Variants in GAS7 observed in about 807,000 individuals in gnomAD.
GAS7 encodes the protein growth arrest-specific protein 7.
In GAS7, 28 loss-of-function variants were observed where a neutral mutation model predicts 71.1. That is an observed-to-expected ratio of 0.39 (90% CI 0.29 to 0.54). GAS7 has a LOEUF of 0.54. GAS7 is among the 20% of genes least tolerant of loss of function. The pLI is 0.62. For synonymous variants in GAS7, 258 were observed against 245.8 expected, an observed-to-expected ratio of 1.05 and a Z score of -0.46; for missense variants, 436 against 627.8, an observed-to-expected ratio of 0.69 and a Z score of 3.27.
chr17:10,141,079 G>A (rs908498136), intron 1 of GAS7, among the ~76,000 whole-genome samples: 2 of 152,194 alleles, frequency 1.3e-5, no homozygotes, highest in Non-Finnish European at 1.5e-5. Flanking sequence ...GTGGCTCCAG[G>A]GCCCTGGCCC....
At chr17:10,068,176 G>A (rs575760923) in intron 1 of GAS7, among the ~76,000 whole-genome samples, 1 of 152,264 alleles carries the variant, frequency 6.6e-6, no homozygotes, top group African/African-American at 2.4e-5. Flanking sequence ...ACCCCAAAGA[G>A]GGACAGGCAC....
intron 2 of GAS7, among the ~76,000 whole-genome samples, chr17:9,982,902 C>T (rs996943862): frequency 6.6e-6 from 1 of 151,882 alleles, no homozygotes; most frequent in Non-Finnish European, 1.5e-5. Context: ...AAAACTAATA[C>T]TGCAAGCTAT....
chr17:10,106,498 C>T (rs944419249), intron 1 of GAS7, among the ~76,000 whole-genome samples: 2 of 152,226 alleles, frequency 1.3e-5, no homozygotes, highest in East Asian at 1.9e-4. Context: ...TCCAGGCTCA[C>T]GGAAGCAGGA....
chr17:10,197,605 G>A (rs1372989942), intron 1 of GAS7, among the ~76,000 whole-genome samples: 3 of 152,230 alleles, frequency 2.0e-5, no homozygotes, highest in African/African-American at 7.2e-5. Context: ...TCGGGGAGCT[G>A]GACCAGGGGA....
At chr17:10,009,269 C>G (rs1373632813) in intron 2 of GAS7, among the ~76,000 whole-genome samples, 1 of 145,432 alleles carries the variant, frequency 6.9e-6, no homozygotes, top group Non-Finnish European at 1.5e-5. Context: ...TGCAGTGAGC[C>G]GAGATCCCGC....
At chr17:10,130,324 T>C (rs2073986645) in intron 1 of GAS7, among the ~76,000 whole-genome samples, 2 of 134,536 alleles carry the variant, frequency 1.5e-5, no homozygotes, top group Non-Finnish European at 3.1e-5. Flanking sequence ...AGAACAGCTA[T>C]GATTTAAAAA....
intron 1 of GAS7, among the ~76,000 whole-genome samples, chr17:10,164,158 A>G (rs2074275682): frequency 1.3e-5 from 2 of 152,130 alleles, no homozygotes; most frequent in African/African-American, 2.4e-5. Flanking sequence ...GAATATGGCC[A>G]TGGACTGGGC....
chr17:10,028,725 G>A (rs1051794000), intron 1 of GAS7, among the ~76,000 whole-genome samples: 1 of 151,848 alleles, frequency 6.6e-6, no homozygotes, highest in Non-Finnish European at 1.5e-5. Flanking sequence ...AACAGGAAAT[G>A]ATAAAAATTA....
At chr17:10,016,602 C>CAAAAAAAAAAAAAAA (rs1158379710) in intron 2 of GAS7, among the ~76,000 whole-genome samples, 78 of 84,556 alleles carry the variant, frequency 9.2e-4, no homozygotes, top group Non-Finnish European at 1.5e-3. Context: ...CTGTCTCTAC[C>CAAAAAAAAAAAAAAA]AAAAAAAAAA....
chr17:10,075,136 T>C (rs996301746), intron 1 of GAS7, among the ~76,000 whole-genome samples: 2 of 151,950 alleles, frequency 1.3e-5, no homozygotes, highest in Non-Finnish European at 2.9e-5. Flanking sequence ...GGTGGGCAAA[T>C]CACGAGGTCA....
At chr17:10,062,670 A>AACTTT (rs1324611703) in intron 1 of GAS7, among the ~76,000 whole-genome samples, 1 of 152,220 alleles carries the variant, frequency 6.6e-6, no homozygotes, top group Admixed American at 6.5e-5. Flanking sequence ...TGATGTGAAT[A>AACTTT]ACTTTAAATA....
At chr17:10,129,597 G>A (rs193191381) in intron 1 of GAS7, among the ~76,000 whole-genome samples, 8 of 152,250 alleles carry the variant, frequency 5.3e-5, no homozygotes, top group Admixed American at 3.3e-4. Context: ...CTTAGACTAG[G>A]TGATGCCTTC....
At chr17:10,164,325 C>T (rs1230798581) in intron 1 of GAS7, among the ~76,000 whole-genome samples, 2 of 151,630 alleles carry the variant, frequency 1.3e-5, no homozygotes, top group Non-Finnish European at 2.9e-5. Context: ...GCTTGTAGTC[C>T]CAGCTACTCA....
At chr17:10,165,138 A>C (rs2074283971) in intron 1 of GAS7, among the ~76,000 whole-genome samples, 1 of 151,360 alleles carries the variant, frequency 6.6e-6, no homozygotes. Flanking sequence ...ACAAAAAAAA[A>C]AAAAATAGCT....
chr17:9,997,252 G>A (rs973818378), intron 2 of GAS7, among the ~76,000 whole-genome samples: 19 of 149,852 alleles, frequency 1.3e-4, no homozygotes, highest in African/African-American at 4.5e-4. Flanking sequence ...GCGGGTGGGG[G>A]CGGGGGCGGT....
chr17:10,178,298 C>T (rs946951844), intron 1 of GAS7, among the ~76,000 whole-genome samples: 15 of 150,570 alleles, frequency 1.0e-4, no homozygotes, highest in African/African-American at 3.4e-4. Context: ...CTGTGGTGCC[C>T]GTGGAATGCT....
chr17:9,963,647 C>T (rs978870687), intron 4 of GAS7, among the ~76,000 whole-genome samples: 6 of 151,930 alleles, frequency 3.9e-5, no homozygotes, highest in Admixed American at 6.6e-5. Context: ...GTGGAAGGAT[C>T]GCTTGAGCCC....
At chr17:10,155,547 T>C (rs1411376245) in intron 1 of GAS7, among the ~76,000 whole-genome samples, 1 of 152,152 alleles carries the variant, frequency 6.6e-6, no homozygotes, top group African/African-American at 2.4e-5. Flanking sequence ...AAATAGAAGC[T>C]AGTTCAAGCC....
At chr17:9,960,808 C>T (rs1412990547) in intron 4 of GAS7, among the ~76,000 whole-genome samples, 1 of 152,210 alleles carries the variant, frequency 6.6e-6, no homozygotes, top group Admixed American at 6.5e-5. Context: ...AAACTGATAT[C>T]CTTAAGGTGT....
Sources: gnomAD v4.1 joint callset for allele counts (sites outside exome capture counted in the v4.1 genomes callset) on GRCh38, gnomAD v4.1.1 for gene constraint, MANE v1.5 for transcripts, NCBI Gene and HGNC (gene_info 2026-07-23, HGNC 2026-07-21) for gene names.